FREM1: variants seen among roughly 807,000 people sequenced by gnomAD.
FREM1 encodes FRAS1-related extracellular matrix protein 1.
Under a neutral mutation model 210.1 loss-of-function variants are expected in FREM1, and 220 were observed. The observed-to-expected ratio is 1.05, with a 90% CI of 0.94 to 1.17. The LOEUF (loss-of-function observed/expected upper bound fraction) is 1.17, where lower values mean the gene tolerates loss of function less well. Among genes scored for constraint, FREM1 ranks in the 50% most tolerant of loss-of-function variants. The probability of loss-of-function intolerance (pLI) is 0.00; values close to 1 mark genes in which losing one functional copy is unlikely to be tolerated. For synonymous variants in FREM1, 1,189 were observed against 980.2 expected (o/e 1.21, Z -3.98); for missense variants, 3,454 against 2,675.5 (o/e 1.29, Z -6.42).
intron 22 of FREM1, among the ~76,000 whole-genome samples, chr9:14,789,923 C>G (rs984345037): frequency 1.3e-5 from 2 of 152,124 alleles, no homozygotes; most frequent in Non-Finnish European, 2.9e-5. Context: ...AGGTACATAG[C>G]TTTCCCTAGG....
chr9:14,879,016 G>A (rs1834296391), intron 1 of FREM1, among the ~76,000 whole-genome samples: 1 of 151,948 alleles, frequency 6.6e-6, no homozygotes, highest in Admixed American at 6.6e-5. Context: ...AATTAGCCAG[G>A]CATCGTGGCA....
intron 10 of FREM1, among the ~76,000 whole-genome samples, chr9:14,827,175 CAGA>C (rs35954375): frequency 0.87 from 131,708 of 151,864 alleles, 57,361 homozygotes; most frequent in East Asian, 0.96. Context: ...GTGCTCTAGA[CAGA>C]AGAACCTCAA....
intron 1 of FREM1, among the ~76,000 whole-genome samples, chr9:14,901,381 T>C (rs1329052048): frequency 6.6e-6 from 1 of 152,204 alleles, no homozygotes; most frequent in African/African-American, 2.4e-5. Context: ...TGTTAATTTT[T>C]CAGTGAAACA....
rs781602373 is a variant in FREM1 at position 14,776,212 on chromosome 9, G to C, written c.4443-9C>G. 20 of 1,513,832 alleles carry C rather than the reference G, an allele frequency of 1.3e-5. No individual in the cohort carries two copies. The highest frequency in any genetic ancestry group is 6.7e-5 in the Admixed American group (3 of 44,500). 93.8% of individuals were successfully genotyped at this position (1,513,832 alleles called of 1,614,324 possible). On this transcript the variant is annotated splice_polypyrimidine_tract_variant and intron_variant, in intron 24 of 36. Coordinates refer to ENST00000380880, the MANE Select transcript of FREM1 (RefSeq NM_001379081.2). ...CATTGCTGATGATGAATCTGGTAAA[G>C]AGAGGCAAGGCAGCCTTCAGCATGG...
chr9:14,760,505 C>G (rs868128876), intron 27 of FREM1, among the ~76,000 whole-genome samples: 1 of 152,148 alleles, frequency 6.6e-6, no homozygotes, highest in African/African-American at 2.4e-5. Context: ...AACTATATAA[C>G]TAAATAAACC....
At chr9:14,904,078 C>T (rs554775820) in intron 1 of FREM1, among the ~76,000 whole-genome samples, 36 of 142,078 alleles carry the variant, frequency 2.5e-4, no homozygotes, top group Admixed American at 1.3e-3. Context: ...GCCAAGATCG[C>T]GCCTCCAGCC....
chr9:14,891,732 T>C lies in FREM1; in HGVS notation c.-268+18182A>G, dbSNP rs1157887125. Among the ~76,000 whole-genome samples the C allele has an allele frequency of 1.3e-5, 2 of 152,068 alleles. 1 individual carries two copies. The highest frequency in any genetic ancestry group is 2.9e-5 in the Non-Finnish European group (2 of 68,022). On this transcript the variant is annotated intron_variant, in intron 1 of 36. Coordinates refer to ENST00000380880, the MANE Select transcript of FREM1 (RefSeq NM_001379081.2). ...AAAAATTAGTATTGAGAAAGGTGCA[T>C]AGGAAAAGTAAGGGCATGTTTGAAG...
intron 17 of FREM1, among the ~76,000 whole-genome samples, 188 bp downstream of exon 17, chr9:14,807,752 A>G (rs2133439390): frequency 6.6e-6 from 1 of 152,264 alleles, no homozygotes; most frequent in Middle Eastern, 3.4e-3. Flanking sequence ...TTAAACATGT[A>G]AATTCTTTTG....
At chr9:14,774,136 TGACTGCCAAG>T (rs1848108118) in intron 25 of FREM1, 1 of 518,926 alleles carries the variant, frequency 1.9e-6, no homozygotes, top group Non-Finnish European at 3.8e-6. Context: ...TTGGACCTCC[TGACTGCCAAG>T]GACTCATCCA....
At chr9:14,815,840 G>A (rs554951405) in intron 15 of FREM1, among the ~76,000 whole-genome samples, 29 of 152,228 alleles carry the variant, frequency 1.9e-4, no homozygotes, top group South Asian at 8.3e-4. Flanking sequence ...TAGAGACAGG[G>A]TTTCGCCATT....
intron 23 of FREM1, among the ~76,000 whole-genome samples, chr9:14,785,541 C>T (rs1360906021): frequency 1.3e-5 from 2 of 152,140 alleles, no homozygotes; most frequent in African/African-American, 4.8e-5. Context: ...AACTCAAGTG[C>T]CTCTCAACAG....
chr9:14,799,526 T>C (rs910102312), intron 20 of FREM1, among the ~76,000 whole-genome samples: 11 of 152,118 alleles, frequency 7.2e-5, no homozygotes, highest in Non-Finnish European at 4.4e-5. Context: ...AAAATGACTG[T>C]GTCCAAACTG....
At chr9:14,884,270 T>A (rs930797309) in intron 1 of FREM1, among the ~76,000 whole-genome samples, 7 of 152,042 alleles carry the variant, frequency 4.6e-5, no homozygotes, top group African/African-American at 1.4e-4. Flanking sequence ...AAGAAACAAA[T>A]CCTGTCTTGG....
At chr9:14,779,591 C>G in intron 24 of FREM1, 12 of 537,054 alleles carry the variant, frequency 2.2e-5, no homozygotes, top group Non-Finnish European at 2.8e-5. Flanking sequence ...GCCACATCTA[C>G]TCGATGCGTG....
chr9:14,792,800 C>G lies in FREM1; in HGVS notation c.3924G>C (p.Arg1308Ser), dbSNP rs768902474. Residue 1308 changes from arginine (R) to serine (S), a missense_variant, in exon 22 of 37, where the codon AGG becomes AGC. Physicochemically the swap from Arg to Ser is moderately radical, Grantham distance 110. Transcript: ENST00000380880. ...TTTCAAATACATAGTAAATCTTCTC[C>G]CTGGGTGAGTCTTCATCTATGGCTG... is the stretch of plus-strand genomic sequence containing the variant. The part of the protein sequence containing the change: ...ILSAIDEDSP[R>S]EKIYYVFERL... 1.0e-5 allele frequency: 16 copies of G among 1,607,050 alleles called. No individual in the cohort carries two copies. In the East Asian group the frequency reaches 3.1e-4, roughly 31 times the overall value.
chr9:14,826,138 G>T (rs1822411953), intron 10 of FREM1, among the ~76,000 whole-genome samples: 1 of 137,652 alleles, frequency 7.3e-6, no homozygotes, highest in Non-Finnish European at 1.5e-5. Context: ...TGTCACACAG[G>T]CTGGAGTGCA....
At chr9:14,794,736 A>G (rs1032757388) in intron 21 of FREM1, among the ~76,000 whole-genome samples, 6 of 152,190 alleles carry the variant, frequency 3.9e-5, no homozygotes, top group African/African-American at 1.4e-4. Context: ...GCAGTGCCTC[A>G]TGCCTGTAAT....
At chr9:14,899,050 C>T (rs1400485199) in intron 1 of FREM1, among the ~76,000 whole-genome samples, 2 of 152,176 alleles carry the variant, frequency 1.3e-5, no homozygotes, top group Middle Eastern at 3.2e-3. Context: ...CCTGTGACAC[C>T]CACACACAGC....
intron 1 of FREM1, among the ~76,000 whole-genome samples, chr9:14,875,846 G>A (rs913771867): frequency 1.3e-5 from 2 of 152,246 alleles, no homozygotes; most frequent in South Asian, 2.1e-4. Context: ...TTTACAGATG[G>A]GTTTTTGGTG....
Sources: gnomAD v4.1 joint callset for allele counts (sites outside exome capture counted in the v4.1 genomes callset) on GRCh38, gnomAD v4.1.1 for gene constraint, MANE v1.5 for transcripts, NCBI Gene and HGNC (gene_info 2026-07-23, HGNC 2026-07-21) for gene names.